ERCC6: variants seen among roughly 807,000 people sequenced by gnomAD.
ERCC6 encodes the protein ERCC excision repair 6, chromatin remodeling factor, also known as DNA excision repair protein ERCC-6.
In ERCC6, 116 loss-of-function variants were observed where a neutral mutation model predicts 158.7. That is an observed-to-expected ratio of 0.73 (90% CI 0.63 to 0.85). The LOEUF (loss-of-function observed/expected upper bound fraction) is 0.85, where lower values mean the gene tolerates loss of function less well. ERCC6 is among the 40% of genes least tolerant of loss of function. The probability of loss-of-function intolerance (pLI) is 0.00; values close to 1 mark genes in which losing one functional copy is unlikely to be tolerated. For synonymous variants in ERCC6, 678 were observed against 659.3 expected (o/e 1.03, Z -0.43); for missense variants, 1,698 against 1,799.4 (o/e 0.94, Z 1.02).
At chr10:49,499,704 G>A (rs1489186462) in intron 7 of ERCC6, among the ~76,000 whole-genome samples, 1 of 152,106 alleles carries the variant, frequency 6.6e-6, no homozygotes, top group Non-Finnish European at 1.5e-5. Flanking sequence ...TTTCTACAGA[G>A]TCAATTTACA....
At chr10:49,515,846 TG>T in intron 5 of ERCC6, 1 of 1,614,216 alleles carries the variant, frequency 6.2e-7, no homozygotes, top group Non-Finnish European at 8.5e-7. Context: ...CAGCACCAGA[TG>T]AGGCAACAGT....
rs754356792 is a variant in ERCC6 at position 49,528,562 on chromosome 10, G to A, written c.544-37C>T. The A allele has an allele frequency of 1.2e-5, 20 of 1,608,424 alleles. No individual in the cohort carries two copies. The East Asian group carries it at 3.1e-4, about 25-fold the overall frequency. ...AATATAGAAGACAGAAAACAGCAAT[G>A]AAGTGATTTATTGTTAAATACAAAA... On this transcript the variant is annotated intron_variant, in intron 3 of 20. Transcript: ENST00000355832.
chr10:49,468,769 A>T (rs1376206007), intron 18 of ERCC6, among the ~76,000 whole-genome samples: 2 of 152,202 alleles, frequency 1.3e-5, no homozygotes, highest in East Asian at 3.8e-4. Context: ...ACCATTCTCC[A>T]GGGTTCCTTG....
chr10:49,515,786 CTT>C lies in ERCC6; in HGVS notation c.1397+8245_1397+8246del, dbSNP rs760794847. The C allele has an allele frequency of 1.9e-6, 3 of 1,614,148 alleles. No homozygotes were observed. In the East Asian group the frequency reaches 6.7e-5, roughly 36 times the overall value. Reference sequence around the variant, plus strand: ...TGTTTGGCTGCTGAACTTGTATCTTCTTTTTCAGTTTCTGGGAGTAACGACTG... The same window carrying C: ...TGTTTGGCTGCTGAACTTGTATCTTCTTTCAGTTTCTGGGAGTAACGACTG... On this transcript the variant is annotated intron_variant, in intron 5 of 20. Transcript: ENST00000355832.
At chr10:49,500,014 G>C (rs4253117) in intron 7 of ERCC6, among the ~76,000 whole-genome samples, 233 of 152,242 alleles carry the variant, frequency 1.5e-3, no homozygotes, top group African/African-American at 5.4e-3. Flanking sequence ...ATCTAGAAAT[G>C]CTATCATGCA....
At chr10:49,525,543 A>T (rs1374819304) in intron 4 of ERCC6, among the ~76,000 whole-genome samples, 2 of 152,348 alleles carry the variant, frequency 1.3e-5, no homozygotes, top group East Asian at 3.9e-4. Context: ...GTTGAAATTC[A>T]TCTCTGGCAA....
Position 49,456,196 on chromosome 10 carries a change from G to A in ERCC6, c.*2619C>T, listed in dbSNP as rs1850481334. 6.6e-6 allele frequency: 1 copy of A among 152,150 alleles called. No individual in the cohort carries two copies. The highest frequency in any genetic ancestry group is 1.5e-5 in the Non-Finnish European group (1 of 68,036). The allele number at this position is 152,150 out of a possible 1,614,324, so 9.4% of individuals were successfully genotyped here. On this transcript the variant is annotated 3_prime_UTR_variant, in exon 21 of 21. Transcript: ENST00000355832. ...TTTTACTCTTAAATAACAGGTCAAA[G>A]GAGAGCAGTTCAAGACTGGCAGGCC... is the stretch of plus-strand genomic sequence containing the variant.
In ERCC6 at chr10:49,458,436, G is replaced by C. The variant is rs4253234; in HGVS notation, c.*379C>G. The C allele has an allele frequency of 0.33, 80,798 of 246,998 alleles. 15,075 individuals carry two copies. The highest frequency in any genetic ancestry group is 0.4 in the Non-Finnish European group (50,266 of 125,136). The allele number at this position is 246,998 out of a possible 1,614,324, so 15.3% of individuals were successfully genotyped here. A position where few individuals can be genotyped will look rare whatever the true frequency, so the allele number is the denominator to read the frequency against. ...ACAGGTCTGACTGAATGTAAGACCT[G>C]TTTTTAGCACCAATAAAAAAAAATA... is the stretch of plus-strand genomic sequence containing the variant. On this transcript the variant is annotated 3_prime_UTR_variant, in exon 21 of 21. Coordinates refer to ENST00000355832, the MANE Select transcript of ERCC6 (RefSeq NM_000124.4).
chr10:49,510,873 C>A (rs932180401), intron 5 of ERCC6, among the ~76,000 whole-genome samples: 1 of 151,796 alleles, frequency 6.6e-6, no homozygotes, highest in African/African-American at 2.4e-5. Context: ...ATTTCCTACT[C>A]CTTCTACCCA....
At chr10:49,490,685 C>CA (rs1851159789) in intron 8 of ERCC6, among the ~76,000 whole-genome samples, 1 of 152,158 alleles carries the variant, frequency 6.6e-6, no homozygotes, top group Non-Finnish European at 1.5e-5. Flanking sequence ...CCAGCTACAA[C>CA]AAAGCATTTG....
At chr10:49,536,076 G>A (rs775293209) in intron 1 of ERCC6, among the ~76,000 whole-genome samples, 13 of 152,152 alleles carry the variant, frequency 8.5e-5, no homozygotes, top group African/African-American at 3.1e-4. Context: ...AGATCACACC[G>A]CAGAACTCCA....
chr10:49,441,391 T>C, the ERCC6 span, among the ~76,000 whole-genome samples: 1 of 152,074 alleles, frequency 6.6e-6, no homozygotes, highest in African/African-American at 2.4e-5. Context: ...TTCCACACTG[T>C]GGTCACGAAG....
intron 18 of ERCC6, among the ~76,000 whole-genome samples, chr10:49,467,893 AT>A (rs1411662936): frequency 1.3e-5 from 2 of 152,112 alleles, no homozygotes; most frequent in Non-Finnish European, 2.9e-5. Flanking sequence ...GGTTCCAGAC[AT>A]TGTGAATTTC....
At chr10:49,439,464 T>C in the ERCC6 span, among the ~76,000 whole-genome samples, 4 of 152,200 alleles carry the variant, frequency 2.6e-5, no homozygotes, top group Non-Finnish European at 5.9e-5. Flanking sequence ...TGGGGGACCC[T>C]GGGCCCAGCC....
chr10:49,536,905 AC>A (rs1243658849), intron 1 of ERCC6, among the ~76,000 whole-genome samples: 3 of 152,166 alleles, frequency 2.0e-5, no homozygotes, highest in African/African-American at 7.2e-5. Flanking sequence ...AAACAAACAA[AC>A]AAAAAAACAG....
chr10:49,460,357 A>T lies in ERCC6; in HGVS notation c.4062+16T>A, dbSNP rs746466273. ...GCAAGTCTCACCCTGGAAAGCAAAAAGGTTATCTATATTACCTGGCACTTC... is the reference window on the plus strand; with the variant it reads ...GCAAGTCTCACCCTGGAAAGCAAAATGGTTATCTATATTACCTGGCACTTC... On this transcript the variant is annotated intron_variant, in intron 20 of 20. Transcript: ENST00000355832. 1 of 1,586,634 alleles carries T rather than the reference A, an allele frequency of 6.3e-7. No individual in the cohort carries two copies. The highest frequency in any genetic ancestry group is 1.3e-5 in the African/African-American group (1 of 74,314).
chr10:49,532,670 C>A lies in ERCC6; in HGVS notation c.295G>T (p.Val99Phe), dbSNP rs375699479. Reference sequence around the variant, plus strand: ...TGTTCCAGCACGTCCTGGTCATAGACGTCCACACCCAAACCCTGCAGCTCA... The same window carrying A: ...TGTTCCAGCACGTCCTGGTCATAGAAGTCCACACCCAAACCCTGCAGCTCA... The part of the protein sequence containing the change: ...ALELQGLGVD[V>F]YDQDVLEQGV... The change falls in exon 2 of 21, where the codon GTC becomes TTC. Residue 99 changes from valine to phenylalanine, a missense_variant. By Grantham distance (50) the Val-to-Phe change is conservative. Transcript: ENST00000355832. 6.2e-7 allele frequency: 1 copy of A among 1,614,226 alleles called. No individual in the cohort carries two copies. Among genetic ancestry groups the A allele is most frequent in the African/African-American group, 1.3e-5 (1 of 75,050 alleles).
chr10:49,462,104 A>C (rs1399884429), intron 18 of ERCC6, among the ~76,000 whole-genome samples: 5 of 152,236 alleles, frequency 3.3e-5, no homozygotes, highest in Admixed American at 6.5e-5. Context: ...AAACACTGAA[A>C]AGGCAAAGTA....
chr10:49,489,313 T>G (rs1851131854), intron 8 of ERCC6, among the ~76,000 whole-genome samples: 1 of 152,234 alleles, frequency 6.6e-6, no homozygotes, highest in Non-Finnish European at 1.5e-5. Flanking sequence ...ATTCTTTGTT[T>G]CTAACAACAG....
Sources: gnomAD v4.1 joint callset for allele counts (sites outside exome capture counted in the v4.1 genomes callset) on GRCh38, gnomAD v4.1.1 for gene constraint, MANE v1.5 for transcripts, NCBI Gene and HGNC (gene_info 2026-07-23, HGNC 2026-07-21) for gene names.